Variants in AK2 observed in about 807,000 individuals in gnomAD.
AK2 encodes adenylate kinase 2, mitochondrial.
Under a neutral mutation model 24.6 loss-of-function variants are expected in AK2, and 15 were observed. The ratio of observed to expected loss-of-function variants is 0.61; its 90% CI spans 0.41 to 0.94. The LOEUF is 0.94. Ranked by LOEUF, AK2 falls within the 40% of genes least tolerant of loss-of-function variation. AK2 has a pLI of 0.00. For synonymous variants in AK2, 102 were observed against 114.0 expected, an observed-to-expected ratio of 0.90 and a Z score of 0.67; for missense variants, 257 against 304.1, an observed-to-expected ratio of 0.85 and a Z score of 1.15.
chr1:33,016,896 G>A (rs971282903), intron 4 of AK2, among the ~76,000 whole-genome samples: 12 of 151,444 alleles, frequency 7.9e-5, no homozygotes, highest in African/African-American at 2.7e-4. Context: ...TAGTAGAGAC[G>A]GGGTTTCACC....
chr1:33,018,933 G>A (rs1639358983), intron 4 of AK2, among the ~76,000 whole-genome samples: 3 of 152,240 alleles, frequency 2.0e-5, no homozygotes, highest in Admixed American at 6.5e-5. Context: ...CCTGAACTCC[G>A]TCAAGTCTAC....
rs562620353 is a variant in AK2, at chr1:33,012,899, AAAC to A, written c.*279_*281del. The A allele has an allele frequency of 1.0e-3, 1,389 of 1,373,922 alleles. 3 individuals are homozygous for A. Among genetic ancestry groups the A allele is most frequent in the Non-Finnish European group, 1.2e-3 (1,265 of 1,044,752 alleles). 85.1% of individuals were successfully genotyped at this position (1,373,922 alleles called of 1,614,324 possible). The stretch of plus-strand genomic sequence containing the variant: ...GGTGGCAGAGCGAAACCTTGTCTCA[AAAC>A]AACAACAAAAAAGAAGTAAACAGCT... On this transcript the variant is annotated 3_prime_UTR_variant, in exon 6 of 6. Transcript: ENST00000672715.
rs1324060501 is a variant in AK2, at chr1:33,010,385, A to C, written c.*2796T>G. ...TACAGTGTGTGGAACCGGAGTCAGT[A>C]ATCAAAGCTCCCTGTTCCAAGCTAT... On this transcript the variant is annotated 3_prime_UTR_variant, in exon 6 of 6. Coordinates refer to ENST00000672715, the MANE Select transcript of AK2 (RefSeq NM_001625.4). The C allele has an allele frequency of 2.1e-6, 1 of 476,590 alleles. No homozygotes were observed. The highest frequency in any genetic ancestry group is 2.0e-5 in the African/African-American group (1 of 50,942). 29.5% of individuals were successfully genotyped at this position (476,590 alleles called of 1,614,324 possible).
Position 33,013,079 on chromosome 1 carries a change from A to G in AK2, c.*102T>C, listed in dbSNP as rs1448931872. On this transcript the variant is annotated 3_prime_UTR_variant, in exon 6 of 6. Transcript: ENST00000672715. ...AAGTGCTTTTTTAATCAATACATCA[A>G]ATGATATTTTTGCTAGCCTGAGGAA... 3.1e-6 allele frequency: 5 copies of G among 1,608,988 alleles called. No individual in the cohort carries two copies. The highest frequency in any genetic ancestry group is 4.2e-6 in the Non-Finnish European group (5 of 1,179,840).
rs147012067 is a variant in AK2 at position 33,009,652 on chromosome 1, ACTGG to A, written c.*3525_*3528del. 234 of 454,122 alleles carry A rather than the reference ACTGG, an allele frequency of 5.2e-4. 1 individual carries two copies. The highest frequency in any genetic ancestry group is 4.3e-3 in the African/African-American group (217 of 50,138). The allele number at this position is 454,122 out of a possible 1,614,324, so 28.1% of individuals were successfully genotyped here. ...GAAACAGGAGCACAGTGAATAACTA[ACTGG>A]CTGGGATTTGTCCTAGGTCCCCTGA... On this transcript the variant is annotated 3_prime_UTR_variant, in exon 6 of 6. Transcript: ENST00000672715.
At chr1:33,014,135 G>A (rs1161383563) in intron 5 of AK2, among the ~76,000 whole-genome samples, 2 of 152,206 alleles carry the variant, frequency 1.3e-5, no homozygotes, top group African/African-American at 4.8e-5. Flanking sequence ...TTTTCTGGAG[G>A]ACTGGTCATC....
Position 33,021,842 on chromosome 1 carries a change from A to C in AK2, c.220-139T>G. 3 of 704,548 alleles carry C rather than the reference A, an allele frequency of 4.3e-6. No homozygotes were observed. In the South Asian group the frequency reaches 4.8e-5, roughly 11 times the overall value. 43.6% of individuals were successfully genotyped at this position (704,548 alleles called of 1,614,324 possible). ...GTTTTCTTGGACCCAAAGAAGCAAA[A>C]ATAAAAGCAAACGTGAAATGGCTCC... On this transcript the variant is annotated intron_variant, in intron 2 of 5. Coordinates refer to ENST00000672715, the MANE Select transcript of AK2 (RefSeq NM_001625.4).
chr1:33,021,145 T>TA lies in AK2; in HGVS notation c.425+221dup, dbSNP rs377191722. 3.1e-3 allele frequency among the ~76,000 whole-genome samples: 448 copies of TA among 145,616 alleles called. 2 individuals are homozygous for TA. The highest frequency in any genetic ancestry group is 7.4e-3 in the African/African-American group (297 of 39,904). Reference sequence around the variant, plus strand: ...TGGGCGACAGAGTTAGACTCCCATCTAAAAAAAAAAAGTGACAAGAATGAG... The same window carrying TA: ...TGGGCGACAGAGTTAGACTCCCATCTAAAAAAAAAAAAGTGACAAGAATGAG... On this transcript the variant is annotated intron_variant, in intron 4 of 5. Coordinates refer to ENST00000672715, the MANE Select transcript of AK2 (RefSeq NM_001625.4).
In AK2 at chr1:33,012,896, TCAAAA is replaced by T. The variant is rs777515236; in HGVS notation, c.*280_*284del. 3.7e-5 allele frequency: 50 copies of T among 1,366,692 alleles called. No individual in the cohort carries two copies. The highest frequency in any genetic ancestry group is 4.6e-5 in the Non-Finnish European group (48 of 1,040,508). The allele number at this position is 1,366,692 out of a possible 1,614,324, so 84.7% of individuals were successfully genotyped here. On this transcript the variant is annotated 3_prime_UTR_variant, in exon 6 of 6. Coordinates refer to ENST00000672715, the MANE Select transcript of AK2 (RefSeq NM_001625.4). ...CAGGGTGGCAGAGCGAAACCTTGTC[TCAAAA>T]CAACAACAAAAAAGAAGTAAACAGC... is the stretch of plus-strand genomic sequence containing the variant.
intron 5 of AK2, 118 bp from the exon 6 acceptor site, chr1:33,013,520 C>A: frequency 1.3e-6 from 2 of 1,527,414 alleles, no homozygotes; most frequent in Admixed American, 2.0e-5. Context: ...GTTCCCAAAG[C>A]CCATCAGAGA....
At position 33,008,126 on chromosome 1, in the gene AK2, A is replaced by G; in HGVS notation, c.*5055T>C. 1 of 454,134 alleles carries G rather than the reference A, an allele frequency of 2.2e-6. No individual in the cohort carries two copies. 28.1% of individuals were successfully genotyped at this position (454,134 alleles called of 1,614,324 possible). A position where few individuals can be genotyped will look rare whatever the true frequency, so the allele number is the denominator to read the frequency against. ...GATGGTCAGTAAGACAACTTTCTTC[A>G]ATGCCTACATTTTCCCTCTGAATTC... On this transcript the variant is annotated 3_prime_UTR_variant, in exon 6 of 6. Transcript: ENST00000672715.
At position 33,012,201 on chromosome 1, in the gene AK2, AC is replaced by A. The variant is rs1638864933; in HGVS notation, c.*979del. 1 of 1,535,436 alleles carries A rather than the reference AC, an allele frequency of 6.5e-7. No homozygotes were observed. On this transcript the variant is annotated 3_prime_UTR_variant, in exon 6 of 6. Transcript: ENST00000672715. ...TCTCTGGCAACAATTCAGTTTTCAA[AC>A]CCAATTCCCAAATAATTGCTATTTT... is the stretch of plus-strand genomic sequence containing the variant.
In AK2 at chr1:33,020,245, G is replaced by A. The variant is rs1639453713; in HGVS notation, c.425+1122C>T. The A allele has an allele frequency of 3.8e-6, 4 of 1,062,076 alleles. No individual in the cohort carries two copies. The East Asian group carries it at 1.1e-4, about 29-fold the overall frequency. The allele number at this position is 1,062,076 out of a possible 1,614,324, so 65.8% of individuals were successfully genotyped here. Reference sequence around the variant, plus strand: ...CACACACACAAAGTGGCTGTACTATGAGCAAATTCTTCCTCCATTTTCTAA... The same window carrying A: ...CACACACACAAAGTGGCTGTACTATAAGCAAATTCTTCCTCCATTTTCTAA... On this transcript the variant is annotated intron_variant, in intron 4 of 5. Coordinates refer to ENST00000672715, the MANE Select transcript of AK2 (RefSeq NM_001625.4).
chr1:33,021,196 CTCT>C (rs1050774151), intron 4 of AK2, among the ~76,000 whole-genome samples, 168 bp downstream of exon 4: 5 of 152,060 alleles, frequency 3.3e-5, no homozygotes, highest in Non-Finnish European at 7.4e-5. Flanking sequence ...AAATCCCTTG[CTCT>C]TCTTTCCATA....
Position 33,012,726 on chromosome 1 carries a change from G to A in AK2, c.*455C>T. ...AGCCTGGGCAACTTGGCAAAATCCT[G>A]TCTCTACAAAAAATACAAATATCAG... On this transcript the variant is annotated 3_prime_UTR_variant, in exon 6 of 6. Transcript: ENST00000672715. 9.5e-7 allele frequency: 1 copy of A among 1,049,118 alleles called. No individual in the cohort carries two copies. Among genetic ancestry groups the A allele is most frequent in the Non-Finnish European group, 1.3e-6 (1 of 772,090 alleles). The allele number at this position is 1,049,118 out of a possible 1,614,324, so 65.0% of individuals were successfully genotyped here.
At position 33,036,729 on chromosome 1, in the gene AK2, C is replaced by A. The variant is rs1163738644; in HGVS notation, c.93+7G>T. 6.4e-7 allele frequency: 1 copy of A among 1,573,434 alleles called. No homozygotes were observed. The highest frequency in any genetic ancestry group is 1.8e-4 in the Middle Eastern group (1 of 5,642). The stretch of plus-strand genomic sequence containing the variant: ...GCTCCGCCGCCAAGCCCAGTCCTGC[C>A]GCTCACCTGGGTCCCTTTACCGGCC... On this transcript the variant is annotated splice_region_variant and intron_variant, in intron 1 of 5. Transcript: ENST00000672715.
intron 1 of AK2, among the ~76,000 whole-genome samples, chr1:33,035,325 T>C (rs1640512064): frequency 6.6e-6 from 1 of 152,212 alleles, no homozygotes; most frequent in Non-Finnish European, 1.5e-5. Context: ...AACTTCTTTC[T>C]TTATCACCCA....
chr1:33,018,073 C>T (rs957634428), intron 4 of AK2, among the ~76,000 whole-genome samples: 11 of 152,096 alleles, frequency 7.2e-5, no homozygotes, highest in African/African-American at 2.2e-4. Context: ...ACATTCAGTG[C>T]GACACTTTAA....
rs1235376484 is a variant in AK2, at chr1:33,012,850, A to T, written c.*331T>A. ...GAGGCAGAGGTTGCCGTGAGCCAAG[A>T]TCACGCCACTGCACTCCAGCCAGGG... On this transcript the variant is annotated 3_prime_UTR_variant, in exon 6 of 6. Transcript: ENST00000672715. 1 of 1,290,574 alleles carries T rather than the reference A, an allele frequency of 7.7e-7. No individual in the cohort carries two copies. Among genetic ancestry groups the T allele is most frequent in the Non-Finnish European group, 1.0e-6 (1 of 986,474 alleles). 79.9% of individuals were successfully genotyped at this position (1,290,574 alleles called of 1,614,324 possible). A position where few individuals can be genotyped will look rare whatever the true frequency, so the allele number is the denominator to read the frequency against.
Sources: allele counts gnomAD v4.1 joint callset (sites outside exome capture counted in the v4.1 genomes callset), GRCh38; gene constraint gnomAD v4.1.1; transcripts MANE v1.5; gene names NCBI Gene and HGNC (gene_info 2026-07-23, HGNC 2026-07-21).